Variants in TDRD3 observed in about 807,000 individuals in gnomAD.
TDRD3 encodes tudor domain-containing protein 3.
Under a neutral mutation model 86.7 loss-of-function variants are expected in TDRD3, and 45 were observed. The observed-to-expected ratio is 0.52, with a 90% CI of 0.41 to 0.67. The LOEUF (loss-of-function observed/expected upper bound fraction) is 0.67, where lower values mean the gene tolerates loss of function less well. TDRD3 is among the 30% of genes least tolerant of loss of function. TDRD3 has a pLI of 0.00. For missense variants in TDRD3, 814 were observed against 889.0 expected, an observed-to-expected ratio of 0.92 and a Z score of 1.07; for synonymous variants, 298 against 301.7, an observed-to-expected ratio of 0.99 and a Z score of 0.13.
chr13:60,488,492 A>G (rs1307438881), intron 7 of TDRD3, among the ~76,000 whole-genome samples: 1 of 152,176 alleles, frequency 6.6e-6, no homozygotes, highest in African/African-American at 2.4e-5. Flanking sequence ...ATTTTTTCAT[A>G]TACCTGTTGA....
chr13:60,420,669 G>T (rs1450953038), intron 1 of TDRD3, among the ~76,000 whole-genome samples: 1 of 152,060 alleles, frequency 6.6e-6, no homozygotes, highest in South Asian at 2.1e-4. Flanking sequence ...CAGGCTGGGC[G>T]TGGTGGCTGA....
chr13:60,463,876 A>G (rs969793076), intron 4 of TDRD3, among the ~76,000 whole-genome samples: 3 of 152,102 alleles, frequency 2.0e-5, no homozygotes, highest in Non-Finnish European at 2.9e-5. Context: ...TCTAAACCCT[A>G]TATTGGAATT....
Position 60,397,268 on chromosome 13 carries a change from T to G in TDRD3, c.-97T>G. 10 of 720,058 alleles carry G rather than the reference T, an allele frequency of 1.4e-5. No individual in the cohort carries two copies. The highest frequency in any genetic ancestry group is 3.5e-5 in the East Asian group (1 of 28,258). 44.6% of individuals were successfully genotyped at this position (720,058 alleles called of 1,614,324 possible). ...CCGACCAGAGGAGTTTTTTCTTTTC[T>G]TTTCTTTTTTTTTTTTTAAGGGGGG... On this transcript the variant is annotated 5_prime_UTR_variant, in exon 1 of 14. Transcript: ENST00000377881.
rs115214428 is a variant in TDRD3 at position 60,457,148 on chromosome 13, C to A, written c.193-3232C>A. Among the ~76,000 whole-genome samples the A allele has an allele frequency of 7.4e-3, 1,124 of 152,150 alleles. 17 individuals carry two copies. The highest frequency in any genetic ancestry group is 0.026 in the African/African-American group (1,063 of 41,510). ...TTGTAAGCAGAATAATGAAAAAAAT[C>A]GTTATATTTACTGGTTTACTCATAG... is the stretch of plus-strand genomic sequence containing the variant. On this transcript the variant is annotated intron_variant, in intron 3 of 13. Coordinates refer to ENST00000377881, the MANE Select transcript of TDRD3 (RefSeq NM_001146070.2).
intron 7 of TDRD3, among the ~76,000 whole-genome samples, chr13:60,492,235 CTT>C (rs1277012755): frequency 6.6e-6 from 1 of 152,112 alleles, no homozygotes. Context: ...GGAAAAAACA[CTT>C]TTGGAATTAG....
intron 5 of TDRD3, 122 bp from the exon 6 acceptor site, chr13:60,483,653 C>A: frequency 2.6e-6 from 2 of 782,544 alleles, no homozygotes; most frequent in South Asian, 4.9e-5. Context: ...TCATGGAAGG[C>A]CTTTTTTTTT....
At chr13:60,466,974 GTTT>G (rs142861115) in intron 4 of TDRD3, among the ~76,000 whole-genome samples, 1 of 149,482 alleles carries the variant, frequency 6.7e-6, no homozygotes, top group Non-Finnish European at 1.5e-5. Context: ...ATGTGTGTGT[GTTT>G]TTTTGTTTTT....
chr13:60,451,690 A>G (rs1416771928), intron 3 of TDRD3, among the ~76,000 whole-genome samples: 1 of 152,136 alleles, frequency 6.6e-6, no homozygotes, highest in African/African-American at 2.4e-5. Flanking sequence ...GATAATGCCA[A>G]ATTATCTTGC....
intron 1 of TDRD3, among the ~76,000 whole-genome samples, chr13:60,399,633 A>C (rs1178958752): frequency 6.6e-6 from 1 of 152,192 alleles, no homozygotes; most frequent in Non-Finnish European, 1.5e-5. Flanking sequence ...TTTAGTTCTT[A>C]TATCCTGAGT....
In TDRD3 at chr13:60,517,666, C is replaced by T. The variant is rs911820946; in HGVS notation, c.1141+6911C>T. Among the ~76,000 whole-genome samples, 34 of 152,196 alleles carry T rather than the reference C, an allele frequency of 2.2e-4. 1 individual carries two copies. Among genetic ancestry groups the T allele is most frequent in the Non-Finnish European group, 1.2e-4 (8 of 68,032 alleles). On this transcript the variant is annotated intron_variant, in intron 10 of 13. Coordinates refer to ENST00000377881, the MANE Select transcript of TDRD3 (RefSeq NM_001146070.2). ...TTCCTGTAAAGCTGATTCCTTTTTA[C>T]CATTCCATTCGTTTTGAAGTGCAAA...
chr13:60,507,230 G>A (rs1486002053), intron 8 of TDRD3, among the ~76,000 whole-genome samples: 3 of 152,068 alleles, frequency 2.0e-5, no homozygotes, highest in African/African-American at 4.8e-5. Context: ...AGAGATCTTA[G>A]ACTCCCACAC....
chr13:60,422,113 T>C (rs1040699830), intron 1 of TDRD3, among the ~76,000 whole-genome samples: 5 of 152,112 alleles, frequency 3.3e-5, no homozygotes, highest in Admixed American at 3.3e-4. Context: ...TAGGTACGAT[T>C]TAAAGGGTTC....
chr13:60,457,142 A>G (rs1041228037), intron 3 of TDRD3, among the ~76,000 whole-genome samples: 12 of 152,210 alleles, frequency 7.9e-5, no homozygotes, highest in Admixed American at 6.5e-5. Flanking sequence ...GAATAATGAA[A>G]AAAATCGTTA....
At chr13:60,464,146 A>C (rs1034768893) in intron 4 of TDRD3, among the ~76,000 whole-genome samples, 1 of 152,180 alleles carries the variant, frequency 6.6e-6, no homozygotes, top group African/African-American at 2.4e-5. Context: ...TGCTGATGCC[A>C]TGCTGCTTGT....
At chr13:60,441,701 A>C (rs1955278853) in intron 2 of TDRD3, among the ~76,000 whole-genome samples, 1 of 152,176 alleles carries the variant, frequency 6.6e-6, no homozygotes, top group Non-Finnish European at 1.5e-5. Context: ...ACACATGCAT[A>C]GCTAATTATA....
intron 1 of TDRD3, among the ~76,000 whole-genome samples, chr13:60,401,242 TA>T (rs1003256497): frequency 6.7e-5 from 10 of 149,092 alleles, no homozygotes; most frequent in East Asian, 5.9e-4. Context: ...TTTGGAAAAA[TA>T]AAAAAAAATA....
intron 12 of TDRD3, among the ~76,000 whole-genome samples, chr13:60,565,716 A>C (rs1490910900): frequency 6.6e-6 from 1 of 152,188 alleles, no homozygotes; most frequent in Admixed American, 6.5e-5. Flanking sequence ...CATCTCCTAC[A>C]GTACCAAATA....
chr13:60,412,528 T>G (rs747524303), intron 1 of TDRD3, among the ~76,000 whole-genome samples: 7 of 152,178 alleles, frequency 4.6e-5, no homozygotes, highest in Admixed American at 3.9e-4. Context: ...ATTACAAGCC[T>G]TGTTGGTTTA....
intron 12 of TDRD3, among the ~76,000 whole-genome samples, chr13:60,540,692 A>G (rs1957789533): frequency 6.6e-6 from 1 of 152,202 alleles, no homozygotes; most frequent in South Asian, 2.1e-4. Context: ...AGAAAATAAT[A>G]TGCTGTTTTA....
Sources: allele counts gnomAD v4.1 joint callset (sites outside exome capture counted in the v4.1 genomes callset), GRCh38; gene constraint gnomAD v4.1.1; transcripts MANE v1.5; gene names NCBI Gene and HGNC (gene_info 2026-07-23, HGNC 2026-07-21).